Variants in LONRF1 observed in about 807,000 individuals in gnomAD.
The protein encoded by LONRF1 is LON peptidase N-terminal domain and RING finger protein 1.
Under a neutral mutation model 85.8 loss-of-function variants are expected in LONRF1, and 37 were observed. That is an observed-to-expected ratio of 0.43 (90% CI 0.33 to 0.57). The LOEUF is 0.57. LONRF1 is among the 20% of genes least tolerant of loss of function. The pLI is 0.04. For missense variants in LONRF1, 1,036 were observed against 978.0 expected (o/e 1.06, Z -0.79); for synonymous variants, 517 against 390.1 (o/e 1.33, Z -3.83).
At chr8:12,742,016 G>A (rs955388149) in intron 2 of LONRF1, among the ~76,000 whole-genome samples, 2 of 152,180 alleles carry the variant, frequency 1.3e-5, no homozygotes, top group African/African-American at 4.8e-5. Context: ...AATATCAGAG[G>A]AGCCTAAAGA....
Position 12,738,159 on chromosome 8 carries a change from T to C in LONRF1, c.964-15A>G. 1 of 1,429,660 alleles carries C rather than the reference T, an allele frequency of 7.0e-7. No homozygotes were observed. Among genetic ancestry groups the C allele is most frequent in the Non-Finnish European group, 9.5e-7 (1 of 1,049,460 alleles). 88.6% of individuals were successfully genotyped at this position (1,429,660 alleles called of 1,614,324 possible). On this transcript the variant is annotated splice_polypyrimidine_tract_variant and intron_variant, in intron 3 of 11. Transcript: ENST00000398246. The stretch of plus-strand genomic sequence containing the variant: ...TCACATAAAATCTGTAAGAGAAATA[T>C]TAAAAGTAGTAGAAAATATAAAATA...
At chr8:12,725,904 C>T (rs780162672) in intron 10 of LONRF1, 25 bp from the exon 11 acceptor site, 8 of 1,592,812 alleles carry the variant, frequency 5.0e-6, no homozygotes, top group South Asian at 1.1e-5. Context: ...GTCAGTAAGA[C>T]TTCTGTGTCT....
chr8:12,742,033 T>C (rs1798952033), intron 2 of LONRF1, among the ~76,000 whole-genome samples: 1 of 152,230 alleles, frequency 6.6e-6, no homozygotes, highest in Non-Finnish European at 1.5e-5. Context: ...AAGAACGTTC[T>C]AGCCAAACAG....
Position 12,729,155 on chromosome 8 carries a change from AG to A in LONRF1, c.1847+18del. The A allele has an allele frequency of 6.2e-7, 1 of 1,613,536 alleles. No homozygotes were observed. The highest frequency in any genetic ancestry group is 1.1e-5 in the South Asian group (1 of 91,042). ...AGGTCTAACATAAATACAAATATTT[AG>A]GTTCACAAAAAGCATACCTATTTTG... On this transcript the variant is annotated intron_variant, in intron 9 of 11. Transcript: ENST00000398246.
Position 12,737,082 on chromosome 8 carries a change from T to C in LONRF1, c.1172A>G (p.Gln391Arg). The change falls in exon 5 of 12, where the codon CAG (glutamine) becomes CGG (arginine). Residue 391 changes from glutamine (Q) to arginine (R), a missense_variant. This residue lies in a region of LONRF1 where 742 missense variants were observed against 614.4 expected (regional missense o/e 1.21). Coordinates refer to ENST00000398246, the MANE Select transcript of LONRF1 (RefSeq NM_152271.5). ...TGTTGAATTTATAGACTGTGCTGAC[T>C]GAGCACGGTTTAAGCTTCCTTTGAC... Reference protein sequence around the residue: ...EPVKGSLNRAQSAQSINSTEM... With the variant: ...EPVKGSLNRARSAQSINSTEM... 6.2e-7 allele frequency: 1 copy of C among 1,613,692 alleles called. No homozygotes were observed. Among genetic ancestry groups the C allele is most frequent in the East Asian group, 2.2e-5 (1 of 44,866 alleles).
At chr8:12,726,119 A>G in intron 10 of LONRF1, 1 of 380,374 alleles carries the variant, frequency 2.6e-6, no homozygotes, top group Non-Finnish European at 4.8e-6. Context: ...TTAGCAGTGC[A>G]ATATTGCAGA....
chr8:12,743,085 A>T lies in LONRF1; in HGVS notation c.840+79T>A. The T allele has an allele frequency of 4.3e-6, 4 of 922,022 alleles. No individual in the cohort carries two copies. The South Asian group carries it at 5.5e-5, about 13-fold the overall frequency. The allele number at this position is 922,022 out of a possible 1,614,324, so 57.1% of individuals were successfully genotyped here. On this transcript the variant is annotated intron_variant, in intron 2 of 11. Coordinates refer to ENST00000398246, the MANE Select transcript of LONRF1 (RefSeq NM_152271.5). ...TGGAGTCAACCATCTACTTTGTTAA[A>T]ATTCCTAACTGTGAATGAATGCATG... is the stretch of plus-strand genomic sequence containing the variant.
intron 8 of LONRF1, among the ~76,000 whole-genome samples, chr8:12,730,150 G>A (rs1049650302): frequency 2.0e-5 from 3 of 152,182 alleles, no homozygotes; most frequent in Admixed American, 6.5e-5. Context: ...AGACTAGTAA[G>A]ATCAATTATG....
chr8:12,722,951 G>A lies in LONRF1; in HGVS notation c.*145C>T, dbSNP rs1019498624. 12 of 721,994 alleles carry A rather than the reference G, an allele frequency of 1.7e-5. No individual in the cohort carries two copies. Among genetic ancestry groups the A allele is most frequent in the Non-Finnish European group, 2.7e-5 (12 of 448,872 alleles). The allele number at this position is 721,994 out of a possible 1,614,324, so 44.7% of individuals were successfully genotyped here. The stretch of plus-strand genomic sequence containing the variant: ...TCCTAGTTGAAGGTATTCATTTGCA[G>A]AACCACATGATTCAGGAGGTCGAAG... On this transcript the variant is annotated 3_prime_UTR_variant, in exon 12 of 12. Transcript: ENST00000398246.
chr8:12,730,005 A>C (rs1410100919), intron 8 of LONRF1, among the ~76,000 whole-genome samples: 7 of 152,246 alleles, frequency 4.6e-5, no homozygotes, highest in African/African-American at 1.7e-4. Context: ...GACAGCAGAA[A>C]CCTTACGTTG....
Position 12,755,277 on chromosome 8 carries a change from C to T in LONRF1, c.144G>A (p.Trp48Ter). Residue 48 changes from tryptophan to a stop codon, truncating the protein, a stop_gained, in exon 1 of 12, where the codon TGG (tryptophan) becomes TGA (stop). Coordinates refer to ENST00000398246, the MANE Select transcript of LONRF1 (RefSeq NM_152271.5). LOFTEE classifies it high-confidence loss of function. ...LERAAAESER[W>*]ELLLRRGELL... ...GCTCCCCGCGGCGGAGCAGCAGCTC[C>T]CAGCGCTCCGACTCCGCGGCCGCGC... 1 of 1,243,560 alleles carries T rather than the reference C, an allele frequency of 8.0e-7. No homozygotes were observed. The highest frequency in any genetic ancestry group is 1.0e-6 in the Non-Finnish European group (1 of 994,218). The allele number at this position is 1,243,560 out of a possible 1,614,324, so 77.0% of individuals were successfully genotyped here. A position where few individuals can be genotyped will look rare whatever the true frequency, so the allele number is the denominator to read the frequency against.
chr8:12,723,276 T>A, intron 11 of LONRF1, 22 bp from the exon 12 acceptor site: 1 of 1,573,384 alleles, frequency 6.4e-7, no homozygotes, highest in Non-Finnish European at 8.6e-7. Flanking sequence ...GGACAGTTTA[T>A]AGCATTAATA....
chr8:12,755,262 G>T lies in LONRF1; in HGVS notation c.159C>A (p.Arg53=). Residue 53 remains arginine (R), a synonymous_variant, in exon 1 of 12, where the codon CGC becomes CGA. Coordinates refer to ENST00000398246, the MANE Select transcript of LONRF1 (RefSeq NM_152271.5). ...CGCCCAGCGCCAGCAGCTCCCCGCG[G>T]CGGAGCAGCAGCTCCCAGCGCTCCG... ...AESERWELLL[R]RGELLALGGH... The T allele has an allele frequency of 8.1e-7, 1 of 1,234,390 alleles. No individual in the cohort carries two copies. Among genetic ancestry groups the T allele is most frequent in the Non-Finnish European group, 1.0e-6 (1 of 991,152 alleles). 76.5% of individuals were successfully genotyped at this position (1,234,390 alleles called of 1,614,324 possible).
At chr8:12,733,889 T>C (rs898475428) in intron 7 of LONRF1, among the ~76,000 whole-genome samples, 3 of 152,150 alleles carry the variant, frequency 2.0e-5, no homozygotes, top group Admixed American at 6.5e-5. Flanking sequence ...ACGCAGGGTA[T>C]CTTCAAAGTT....
chr8:12,724,381 T>C (rs369594058), intron 11 of LONRF1, among the ~76,000 whole-genome samples: 206 of 152,330 alleles, frequency 1.4e-3, no homozygotes, highest in African/African-American at 4.3e-3. Context: ...CTAAGAATTA[T>C]AGCCACTTCC....
intron 1 of LONRF1, among the ~76,000 whole-genome samples, chr8:12,747,704 A>G (rs148588718): frequency 2.4e-4 from 36 of 151,736 alleles, no homozygotes; most frequent in Non-Finnish European, 4.6e-4. Context: ...TTACAGGTTA[A>G]AACAGAGAGG....
At chr8:12,726,257 T>A (rs1438462469) in intron 10 of LONRF1, among the ~76,000 whole-genome samples, 2 of 152,190 alleles carry the variant, frequency 1.3e-5, no homozygotes, top group Non-Finnish European at 2.9e-5. Flanking sequence ...AAAAAGTGGA[T>A]GATAGTTGCT....
chr8:12,729,868 TC>T (rs1346403178), intron 8 of LONRF1, among the ~76,000 whole-genome samples: 8 of 152,186 alleles, frequency 5.3e-5, no homozygotes, highest in African/African-American at 1.9e-4. Flanking sequence ...ATAACATTTT[TC>T]ATTGCCAGAT....
intron 2 of LONRF1, among the ~76,000 whole-genome samples, chr8:12,742,025 G>A (rs1406333592): frequency 3.3e-5 from 5 of 152,186 alleles, no homozygotes; most frequent in Admixed American, 3.3e-4. Context: ...GGAGCCTAAA[G>A]AACGTTCTAG....
Sources: gnomAD v4.1 joint callset for allele counts (sites outside exome capture counted in the v4.1 genomes callset) on GRCh38, gnomAD v4.1.1 for gene constraint, gnomAD v4.1.1 regional missense constraint, MANE v1.5 for transcripts, NCBI Gene and HGNC (gene_info 2026-07-23, HGNC 2026-07-21) for gene names.